Variants in RALYL observed in about 807,000 individuals in gnomAD.
The protein encoded by RALYL is RNA-binding Raly-like protein.
In RALYL, 29 loss-of-function variants were observed where a neutral mutation model predicts 35.1. The ratio of observed to expected loss-of-function variants is 0.83; its 90% CI spans 0.61 to 1.13. RALYL has a LOEUF of 1.13. Ranked by LOEUF, RALYL falls within the 50% of genes most tolerant of loss-of-function variation. RALYL has a pLI of 0.00. For synonymous variants in RALYL, 120 were observed against 127.6 expected, an observed-to-expected ratio of 0.94 and a Z score of 0.40; for missense variants, 359 against 360.4, an observed-to-expected ratio of 1.00 and a Z score of 0.03.
chr8:84,367,318 A>ATTTGTTTTTGTT (rs756622990), intron 1 of RALYL, among the ~76,000 whole-genome samples: 12 of 27,398 alleles, frequency 4.4e-4, no homozygotes, highest in South Asian at 2.1e-3. Flanking sequence ...TAATTTTTGT[A>ATTTGTTTTTGTT]TTTTTTTTTT....
At chr8:84,383,695 G>A (rs1858506174) in intron 1 of RALYL, among the ~76,000 whole-genome samples, 1 of 150,752 alleles carries the variant, frequency 6.6e-6, no homozygotes, top group African/African-American at 2.4e-5. Context: ...GTAGAATTGA[G>A]TCAGTGAAGA....
intron 1 of RALYL, among the ~76,000 whole-genome samples, chr8:84,273,216 A>G (rs1266204957): frequency 3.3e-5 from 5 of 152,242 alleles, no homozygotes; most frequent in African/African-American, 1.2e-4. Context: ...CTTCTAACTC[A>G]GGGCCTCTTA....
At chr8:84,428,648 C>T (rs905847427) in intron 1 of RALYL, among the ~76,000 whole-genome samples, 1 of 152,004 alleles carries the variant, frequency 6.6e-6, no homozygotes, top group African/African-American at 2.4e-5. Flanking sequence ...CTTTTCTAAC[C>T]TTTACTTTTA....
chr8:84,694,129 GA>G (rs1371320871), intron 2 of RALYL, among the ~76,000 whole-genome samples: 1 of 151,794 alleles, frequency 6.6e-6, no homozygotes. Flanking sequence ...GTAAGACAAA[GA>G]AATAAAAGGC....
chr8:84,696,285 A>G (rs1175282990), intron 2 of RALYL, among the ~76,000 whole-genome samples: 1 of 151,884 alleles, frequency 6.6e-6, no homozygotes, highest in Non-Finnish European at 1.5e-5. Flanking sequence ...CCAGATGGGA[A>G]CATAGCTATT....
At chr8:84,633,565 A>T (rs2131276219) in intron 2 of RALYL, among the ~76,000 whole-genome samples, 1 of 152,024 alleles carries the variant, frequency 6.6e-6, no homozygotes. Flanking sequence ...TTGAGAGATA[A>T]TAGTAACAAA....
chr8:84,369,387 T>C (rs1855216259), intron 1 of RALYL, among the ~76,000 whole-genome samples: 1 of 151,982 alleles, frequency 6.6e-6, no homozygotes, highest in South Asian at 2.1e-4. Flanking sequence ...TGCAGGAAAC[T>C]GTGGTAATTT....
chr8:84,729,762 G>A (rs147959808), intron 2 of RALYL, among the ~76,000 whole-genome samples: 29,832 of 151,776 alleles, frequency 0.2, 3,243 homozygotes, highest in Non-Finnish European at 0.23. Flanking sequence ...ACACCTCTAC[G>A]CAAATAAACT....
intron 2 of RALYL, among the ~76,000 whole-genome samples, chr8:84,751,064 TCA>T (rs1467430470): frequency 2.6e-5 from 4 of 152,224 alleles, no homozygotes; most frequent in African/African-American, 9.6e-5. Context: ...ATCGGCCATA[TCA>T]CTGTGCTTTT....
In RALYL at chr8:84,433,839, GTGTGTA is replaced by G. The variant is rs1304921762; in HGVS notation, c.-23-95458_-23-95453del. Among the ~76,000 whole-genome samples the G allele has an allele frequency of 5.6e-5, 6 of 108,096 alleles. No individual in the cohort carries two copies. The East Asian group carries it at 1.4e-3, about 24-fold the overall frequency. The allele number at this position is 108,096 out of a possible 152,430, so 70.9% of individuals were successfully genotyped here. On this transcript the variant is annotated intron_variant, in intron 1 of 8. Transcript: ENST00000521268. ...CGTGTGTGTGTGTGTGTGTATGTGT[GTGTGTA>G]TATATATATATATATATAATACCAT... is the stretch of plus-strand genomic sequence containing the variant.
At chr8:84,782,643 T>A (rs1481571165) in intron 3 of RALYL, among the ~76,000 whole-genome samples, 1 of 152,218 alleles carries the variant, frequency 6.6e-6, no homozygotes, top group African/African-American at 2.4e-5. Flanking sequence ...CACATTATGA[T>A]CTTTTATGCT....
At position 84,463,837 on chromosome 8, in the gene RALYL, A is replaced by T. The variant is rs369143979; in HGVS notation, c.-23-65462A>T. On this transcript the variant is annotated intron_variant, in intron 1 of 8. Transcript: ENST00000521268. ...TTGATTTTAACAGATGCACATAGTC[A>T]TGTACCCACAATCATGGTGTAGAAC... is the stretch of plus-strand genomic sequence containing the variant. Among the ~76,000 whole-genome samples, 22 of 152,184 alleles carry T rather than the reference A, an allele frequency of 1.4e-4. 2 individuals carry two copies. In the South Asian group the frequency reaches 4.1e-3, roughly 29 times the overall value.
intron 1 of RALYL, among the ~76,000 whole-genome samples, chr8:84,494,270 T>C (rs1437998420): frequency 6.6e-6 from 1 of 152,170 alleles, no homozygotes; most frequent in African/African-American, 2.4e-5. Flanking sequence ...TATATGTCTG[T>C]TTTTGTACCA....
chr8:84,725,489 T>C (rs1485804844), intron 2 of RALYL, among the ~76,000 whole-genome samples: 1 of 151,814 alleles, frequency 6.6e-6, no homozygotes, highest in Non-Finnish European at 1.5e-5. Context: ...TGATTCATGC[T>C]TTAATCAAAG....
intron 1 of RALYL, among the ~76,000 whole-genome samples, chr8:84,280,766 A>C (rs1836382946): frequency 6.7e-6 from 1 of 150,222 alleles, no homozygotes. Flanking sequence ...AATATATATA[A>C]TATACATATA....
At chr8:84,658,925 G>C (rs1830413531) in intron 2 of RALYL, among the ~76,000 whole-genome samples, 1 of 151,924 alleles carries the variant, frequency 6.6e-6, no homozygotes, top group South Asian at 2.1e-4. Flanking sequence ...AAACACAAGG[G>C]CTCTCTAATA....
In RALYL at chr8:84,384,882, A is replaced by G. The variant is rs114689281; in HGVS notation, c.-23-144417A>G. On this transcript the variant is annotated intron_variant, in intron 1 of 8. Transcript: ENST00000521268. The stretch of plus-strand genomic sequence containing the variant: ...ATCCAAAAGTTGACATGTTAAAGAG[A>G]GTTCTAGTTATTTTTAAGGCTACCT... Among the ~76,000 whole-genome samples the G allele has an allele frequency of 4.1e-3, 630 of 151,872 alleles. 7 individuals are homozygous for G. Among genetic ancestry groups the G allele is most frequent in the African/African-American group, 0.014 (594 of 41,512 alleles).
At chr8:84,918,555 G>C (rs80009978) in intron 8 of RALYL, among the ~76,000 whole-genome samples, 6,213 of 152,138 alleles carry the variant, frequency 0.041, 399 homozygotes, top group African/African-American at 0.14. Flanking sequence ...CAGAGAAAGA[G>C]AGCACAATTA....
chr8:84,246,144 A>G (rs1460302054), intron 1 of RALYL, among the ~76,000 whole-genome samples: 1 of 152,126 alleles, frequency 6.6e-6, no homozygotes, highest in Non-Finnish European at 1.5e-5. Flanking sequence ...GAGGTAGACA[A>G]CAGCACCAGT....
Sources: allele counts gnomAD v4.1 joint callset (sites outside exome capture counted in the v4.1 genomes callset), GRCh38; gene constraint gnomAD v4.1.1; transcripts MANE v1.5; gene names NCBI Gene and HGNC (gene_info 2026-07-23, HGNC 2026-07-21).